The following GREB1 variants were observed in gnomAD, a reference collection of about 807,000 sequenced individuals.
The protein encoded by GREB1 is protein GREB1.
In GREB1, 106 loss-of-function variants were observed where a neutral mutation model predicts 200.7. The ratio of observed to expected loss-of-function variants is 0.53; its 90% CI spans 0.45 to 0.62. The LOEUF (loss-of-function observed/expected upper bound fraction) is 0.62, where lower values mean the gene tolerates loss of function less well. Among genes scored for constraint, GREB1 ranks in the 20% least tolerant of loss-of-function variants. The pLI is 0.00. For synonymous variants in GREB1, 1,132 were observed against 1,092.4 expected (o/e 1.04, Z -0.72); for missense variants, 2,243 against 2,556.8 (o/e 0.88, Z 2.65).
intron 11 of GREB1, among the ~76,000 whole-genome samples, chr2:11,594,992 C>A (rs973565917): frequency 5.1e-5 from 6 of 116,656 alleles, no homozygotes; most frequent in Non-Finnish European, 1.1e-4. Context: ...CTGTGCCTGG[C>A]CTTTTTTTTT....
At chr2:11,501,069 A>G (rs533258016) in intron 1 of GREB1, among the ~76,000 whole-genome samples, 4 of 152,254 alleles carry the variant, frequency 2.6e-5, no homozygotes, top group Non-Finnish European at 5.9e-5. Context: ...TCTTTCCTCC[A>G]CTGCCCAGTC....
intron 10 of GREB1, among the ~76,000 whole-genome samples, chr2:11,590,083 C>T (rs964781006): frequency 2.6e-5 from 4 of 152,110 alleles, no homozygotes; most frequent in African/African-American, 9.7e-5. Context: ...GCCTGGGGAC[C>T]TCCAATCTTC....
intron 1 of GREB1, chr2:11,539,795 A>ATTTTTTTTTTTTTT (rs66629142): frequency 1.6e-5 from 2 of 121,280 alleles, no homozygotes; most frequent in Non-Finnish European, 1.7e-5. Context: ...CTACTGCTGA[A>ATTTTTTTTTTTTTT]TTTTTTTTTT....
intron 1 of GREB1, among the ~76,000 whole-genome samples, chr2:11,523,972 C>A (rs1673787755): frequency 6.6e-6 from 1 of 152,184 alleles, no homozygotes; most frequent in Non-Finnish European, 1.5e-5. Context: ...CATTCAGGCT[C>A]AGCCCAAGGA....
chr2:11,489,343 C>T (rs1467818385), intron 1 of GREB1, among the ~76,000 whole-genome samples: 1 of 152,184 alleles, frequency 6.6e-6, no homozygotes, highest in Non-Finnish European at 1.5e-5. Context: ...CCTGTAATCC[C>T]AGCTACTTGG....
At chr2:11,537,948 A>G (rs559578052) in intron 1 of GREB1, among the ~76,000 whole-genome samples, 26 of 152,146 alleles carry the variant, frequency 1.7e-4, no homozygotes, top group African/African-American at 6.0e-4. Flanking sequence ...CATAGCTTTT[A>G]TGCATTTATT....
At position 11,629,818 on chromosome 2, in the gene GREB1, C is replaced by T. The variant is rs937238157; in HGVS notation, c.4450-130C>T. On this transcript the variant is annotated intron_variant, in intron 25 of 32. Coordinates refer to ENST00000381486, the MANE Select transcript of GREB1 (RefSeq NM_014668.4). This position sits in a 1 kb window ranked among gnomAD's most constrained non-coding sequence, Gnocchi z 5.2. ...TCTGCACTTTGCACTGGAGTCACCCCGTGGGTTTCTTGTGCTGTAGGGAAG... is the reference window on the plus strand; with the variant it reads ...TCTGCACTTTGCACTGGAGTCACCCTGTGGGTTTCTTGTGCTGTAGGGAAG... 8.0e-6 allele frequency: 7 copies of T among 880,418 alleles called. No homozygotes were observed. Among genetic ancestry groups the T allele is most frequent in the Non-Finnish European group, 1.2e-5 (7 of 562,642 alleles). The allele number at this position is 880,418 out of a possible 1,614,324, so 54.5% of individuals were successfully genotyped here. A position where few individuals can be genotyped will look rare whatever the true frequency, so the allele number is the denominator to read the frequency against.
chr2:11,518,954 G>C (rs1673609159), intron 1 of GREB1, among the ~76,000 whole-genome samples: 1 of 151,808 alleles, frequency 6.6e-6, no homozygotes, highest in South Asian at 2.1e-4. Context: ...CAAAAAATTA[G>C]TTGGGCGTGG....
At chr2:11,593,313 C>G (rs1680918396) in intron 11 of GREB1, among the ~76,000 whole-genome samples, 187 bp downstream of exon 11, 1 of 152,206 alleles carries the variant, frequency 6.6e-6, no homozygotes, top group Non-Finnish European at 1.5e-5. Context: ...ACAATCTCAT[C>G]CCTGCTCTGA....
At chr2:11,532,001 A>G (rs1674090960), upstream of GREB1, among the ~76,000 whole-genome samples, 2 of 152,188 alleles carry the variant, frequency 1.3e-5, no homozygotes, top group South Asian at 2.1e-4. Flanking sequence ...CTCTCTTTAT[A>G]TATACTTTTC....
Position 11,578,448 on chromosome 2 carries a change from A to C in GREB1, c.772+17A>C. 1 of 1,612,352 alleles carries C rather than the reference A, an allele frequency of 6.2e-7. No homozygotes were observed. Among genetic ancestry groups the C allele is most frequent in the South Asian group, 1.1e-5 (1 of 91,050 alleles). ...AGCAGGCAGGTGAGGTGGTGGAGAC[A>C]CACCAGAGCTGCTAAACCCACAGAG... On this transcript the variant is annotated intron_variant, in intron 6 of 32. Coordinates refer to ENST00000381486, the MANE Select transcript of GREB1 (RefSeq NM_014668.4).
chr2:11,578,901 G>A (rs1316137768), intron 6 of GREB1, among the ~76,000 whole-genome samples: 3 of 152,246 alleles, frequency 2.0e-5, no homozygotes, highest in Non-Finnish European at 4.4e-5. Flanking sequence ...TTGGGAAGGT[G>A]AGGCTCATTG....
chr2:11,579,119 G>A (rs1679199435), intron 6 of GREB1, among the ~76,000 whole-genome samples: 1 of 152,216 alleles, frequency 6.6e-6, no homozygotes, highest in Non-Finnish European at 1.5e-5. Flanking sequence ...CAGAGGGTCT[G>A]TAGAGGCACA....
At chr2:11,565,280 G>A (rs559013189) in intron 3 of GREB1, among the ~76,000 whole-genome samples, 17 of 152,380 alleles carry the variant, frequency 1.1e-4, no homozygotes, top group African/African-American at 4.1e-4. Context: ...CCTCACTGGT[G>A]CCTGGTGTGT....
At chr2:11,579,722 C>T (rs142545333) in intron 6 of GREB1, among the ~76,000 whole-genome samples, 24 of 152,304 alleles carry the variant, frequency 1.6e-4, no homozygotes, top group African/African-American at 2.4e-4. Context: ...ACTCCTGACC[C>T]GAGCTCTTTC....
intron 27 of GREB1, 72 bp downstream of exon 27, chr2:11,632,185 CAA>C: frequency 9.0e-7 from 1 of 1,110,768 alleles, no homozygotes; most frequent in East Asian, 2.4e-5. Context: ...GTTCTAGAGA[CAA>C]AAGTTAAACA....
intron 1 of GREB1, among the ~76,000 whole-genome samples, chr2:11,488,749 C>G (rs920846995): frequency 2.1e-5 from 3 of 145,878 alleles, no homozygotes; most frequent in Non-Finnish European, 4.5e-5. Flanking sequence ...CGAGCCTGTG[C>G]CATTGTACTC....
intron 1 of GREB1, among the ~76,000 whole-genome samples, chr2:11,529,012 A>AG: frequency 6.6e-6 from 1 of 152,204 alleles, no homozygotes; most frequent in Middle Eastern, 3.2e-3. Flanking sequence ...TTTTGCCCAC[A>AG]GTGACTTTGA....
At chr2:11,583,332 T>C (rs1376143708) in intron 7 of GREB1, among the ~76,000 whole-genome samples, 1 of 152,218 alleles carries the variant, frequency 6.6e-6, no homozygotes, top group Non-Finnish European at 1.5e-5. Context: ...GGACAGATGT[T>C]TGCAGAGTCT....
Sources: allele counts gnomAD v4.1 joint callset (sites outside exome capture counted in the v4.1 genomes callset), GRCh38; gene constraint gnomAD v4.1.1; non-coding constraint Gnocchi (gnomAD v3.1); transcripts MANE v1.5; gene names NCBI Gene and HGNC (gene_info 2026-07-23, HGNC 2026-07-21).